The following CNTNAP2 variants were observed in gnomAD, a reference collection of about 807,000 sequenced individuals.
CNTNAP2 encodes the protein contactin-associated protein-like 2.
A neutral mutation model predicts 155.2 loss-of-function variants in CNTNAP2; 98 were observed. The ratio of observed to expected loss-of-function variants is 0.63; its 90% confidence interval spans 0.54 to 0.75. The LOEUF is 0.75. Ranked by LOEUF, CNTNAP2 falls within the 30% of genes least tolerant of loss-of-function variation. The probability of loss-of-function intolerance (pLI) is 0.00; values close to 1 mark genes in which losing one functional copy is unlikely to be tolerated. For synonymous variants in CNTNAP2, 651 were observed against 631.2 expected (o/e 1.03, Z -0.47); for missense variants, 1,727 against 1,688.1 (o/e 1.02, Z -0.40).
chr7:147,308,303 G>C (rs1795067072), intron 9 of CNTNAP2, among the ~76,000 whole-genome samples: 1 of 152,162 alleles, frequency 6.6e-6, no homozygotes, highest in South Asian at 2.1e-4. Flanking sequence ...TGAGAAGGTT[G>C]GACCGAGTGA....
In CNTNAP2 at chr7:148,417,593, C is replaced by G; in HGVS notation, c.*1977C>G. On this transcript the variant is annotated 3_prime_UTR_variant, in exon 24 of 24. Transcript: ENST00000361727. Reference sequence around the variant, plus strand: ...ACATTTACAAATGACATATTGAAAGCAAAGGCTGTTTTATTTAGCCAAGAT... The same window carrying G: ...ACATTTACAAATGACATATTGAAAGGAAAGGCTGTTTTATTTAGCCAAGAT... The G allele has an allele frequency of 6.6e-6, 1 of 152,164 alleles. No homozygotes were observed. Among genetic ancestry groups the G allele is most frequent in the East Asian group, 1.9e-4 (1 of 5,204 alleles). 9.4% of individuals were successfully genotyped at this position (152,164 alleles called of 1,614,324 possible). A position where few individuals can be genotyped will look rare whatever the true frequency, so the allele number is the denominator to read the frequency against.
chr7:147,635,287 C>T (rs1301994560), intron 12 of CNTNAP2, among the ~76,000 whole-genome samples: 7 of 149,878 alleles, frequency 4.7e-5, no homozygotes, highest in Non-Finnish European at 4.4e-5. Context: ...TTTTTTTAAT[C>T]GAATTTTTAA....
At chr7:146,151,835 A>G (rs906543776) in intron 1 of CNTNAP2, among the ~76,000 whole-genome samples, 1 of 150,580 alleles carries the variant, frequency 6.6e-6, no homozygotes, top group African/African-American at 2.4e-5. Flanking sequence ...ATTATTACTT[A>G]GAATAGCTAT....
intron 8 of CNTNAP2, among the ~76,000 whole-genome samples, chr7:147,173,790 T>C (rs1271507859): frequency 6.6e-6 from 1 of 152,088 alleles, no homozygotes; most frequent in Non-Finnish European, 1.5e-5. Flanking sequence ...AAGTGGGACA[T>C]TGCATCCCGG....
chr7:146,544,201 G>A (rs938910174), intron 1 of CNTNAP2, among the ~76,000 whole-genome samples: 1 of 151,910 alleles, frequency 6.6e-6, no homozygotes, highest in Admixed American at 6.6e-5. Flanking sequence ...GTAATCACTG[G>A]AAACTGAGGA....
At chr7:147,099,679 A>G (rs967033971) in intron 4 of CNTNAP2, among the ~76,000 whole-genome samples, 4 of 152,218 alleles carry the variant, frequency 2.6e-5, no homozygotes, top group Admixed American at 2.6e-4. Flanking sequence ...GGTGAACTGA[A>G]TAGAGATTTT....
At chr7:148,169,108 GT>G (rs1328398538) in intron 17 of CNTNAP2, among the ~76,000 whole-genome samples, 1 of 152,160 alleles carries the variant, frequency 6.6e-6, no homozygotes, top group East Asian at 1.9e-4. Flanking sequence ...AGCTCATATT[GT>G]TATTAATCAA....
At chr7:147,833,925 G>C (rs932276908) in intron 13 of CNTNAP2, among the ~76,000 whole-genome samples, 4 of 152,142 alleles carry the variant, frequency 2.6e-5, no homozygotes, top group African/African-American at 9.7e-5. Flanking sequence ...GACTATGATG[G>C]CAACGCAGGT....
rs571214114 is a variant in CNTNAP2, at chr7:148,384,193, C to G, written c.3715+305C>G. On this transcript the variant is annotated intron_variant, in intron 22 of 23. Coordinates refer to ENST00000361727, the MANE Select transcript of CNTNAP2 (RefSeq NM_014141.6). ...GACTGTGGGTGATTTGATCAATTCA[C>G]TGTCTCACTTTTGCCTCTTATGACT... 9.8e-5 allele frequency among the ~76,000 whole-genome samples: 15 copies of G among 152,316 alleles called. No homozygotes were observed. The South Asian group carries it at 3.1e-3, about 32-fold the overall frequency.
intron 3 of CNTNAP2, among the ~76,000 whole-genome samples, chr7:146,904,294 C>G (rs1336680312): frequency 6.6e-6 from 1 of 152,152 alleles, no homozygotes; most frequent in Non-Finnish European, 1.5e-5. Flanking sequence ...GTCACCTTTT[C>G]AGATAGAACA....
In CNTNAP2 at chr7:147,128,960, T is replaced by C; in HGVS notation, c.1083+124T>C. On this transcript the variant is annotated intron_variant, in intron 7 of 23. Transcript: ENST00000361727. ...TCATATTTGTGTTTGGGCAAAATGATGTAAAACAAACATTAGAGTTATCAG... is the reference window on the plus strand; with the variant it reads ...TCATATTTGTGTTTGGGCAAAATGACGTAAAACAAACATTAGAGTTATCAG... 5.5e-6 allele frequency: 7 copies of C among 1,277,628 alleles called. No individual in the cohort carries two copies. The Admixed American group carries it at 8.8e-5, about 16-fold the overall frequency. 79.1% of individuals were successfully genotyped at this position (1,277,628 alleles called of 1,614,324 possible). A position where few individuals can be genotyped will look rare whatever the true frequency, so the allele number is the denominator to read the frequency against.
At chr7:146,714,811 A>G (rs1585054330) in intron 1 of CNTNAP2, among the ~76,000 whole-genome samples, 1 of 152,196 alleles carries the variant, frequency 6.6e-6, no homozygotes, top group Non-Finnish European at 1.5e-5. Flanking sequence ...AAAATAAGTG[A>G]CAAGAGATAG....
chr7:148,165,407 G>C (rs1197610552), intron 17 of CNTNAP2, among the ~76,000 whole-genome samples: 1 of 151,958 alleles, frequency 6.6e-6, no homozygotes, highest in Non-Finnish European at 1.5e-5. Context: ...AATTTTGAGG[G>C]GACACAGTTC....
intron 21 of CNTNAP2, among the ~76,000 whole-genome samples, chr7:148,321,925 C>G (rs117302710): frequency 0.083 from 12,181 of 147,098 alleles, 520 homozygotes; most frequent in African/African-American, 0.1. Flanking sequence ...GAGACGGATT[C>G]TCGCTCTGTC....
At chr7:146,274,473 C>G (rs2129083852) in intron 1 of CNTNAP2, among the ~76,000 whole-genome samples, 1 of 152,246 alleles carries the variant, frequency 6.6e-6, no homozygotes, top group Non-Finnish European at 1.5e-5. Context: ...ATAAAGAGAC[C>G]AGATGAGACG....
chr7:148,071,643 C>G (rs896384181), intron 15 of CNTNAP2, among the ~76,000 whole-genome samples: 1 of 152,188 alleles, frequency 6.6e-6, no homozygotes, highest in Non-Finnish European at 1.5e-5. Flanking sequence ...TATTGCCATT[C>G]AGTATCATTG....
chr7:148,299,895 A>C (rs745700581), intron 21 of CNTNAP2, among the ~76,000 whole-genome samples: 7 of 152,212 alleles, frequency 4.6e-5, no homozygotes, highest in African/African-American at 7.2e-5. Context: ...CACTTTGGAG[A>C]GCTAACACTA....
chr7:147,737,236 C>T (rs1261082123), intron 13 of CNTNAP2, among the ~76,000 whole-genome samples: 1 of 152,172 alleles, frequency 6.6e-6, no homozygotes, highest in Non-Finnish European at 1.5e-5. Flanking sequence ...AGATTTCCTT[C>T]TAACAGCCAG....
chr7:146,928,891 C>G (rs983292241), intron 3 of CNTNAP2, among the ~76,000 whole-genome samples: 1 of 152,190 alleles, frequency 6.6e-6, no homozygotes, highest in African/African-American at 2.4e-5. Context: ...GGGAGGGGCG[C>G]CTGCCATTGC....
Sources: allele counts gnomAD v4.1 joint callset (sites outside exome capture counted in the v4.1 genomes callset), GRCh38; gene constraint gnomAD v4.1.1; transcripts MANE v1.5; gene names NCBI Gene and HGNC (gene_info 2026-07-23, HGNC 2026-07-21).